OCA2: variants seen among roughly 807,000 people sequenced by gnomAD.
OCA2 encodes the protein P protein.
In OCA2, 77 loss-of-function variants were observed where a neutral mutation model predicts 100.2. The observed-to-expected ratio is 0.77, with a 90% CI of 0.64 to 0.93. OCA2 has a LOEUF of 0.93. OCA2 is among the 40% of genes least tolerant of loss of function. The pLI, the probability that OCA2 is intolerant of heterozygous loss-of-function variation, is 0.00. For missense variants in OCA2, 1,062 were observed against 1,089.1 expected, an observed-to-expected ratio of 0.98 and a Z score of 0.35; for synonymous variants, 432 against 439.2, an observed-to-expected ratio of 0.98 and a Z score of 0.21.
intron 14 of OCA2, among the ~76,000 whole-genome samples, chr15:27,979,481 C>T (rs1214916388): frequency 6.6e-6 from 1 of 152,056 alleles, no homozygotes; most frequent in African/African-American, 2.4e-5. Flanking sequence ...TATATTTGTT[C>T]CACCATTTCT....
intron 23 of OCA2, among the ~76,000 whole-genome samples, chr15:27,774,122 A>G (rs1266467877): frequency 1.3e-5 from 2 of 152,162 alleles, no homozygotes; most frequent in Non-Finnish European, 2.9e-5. Context: ...TATCAAACTG[A>G]AGTCCACCCA....
At chr15:27,732,808 C>T in the OCA2 span, among the ~76,000 whole-genome samples, 1 of 152,126 alleles carries the variant, frequency 6.6e-6, no homozygotes, top group East Asian at 1.9e-4. Flanking sequence ...ACTAAAAGCC[C>T]ATTCATGACT....
the OCA2 span, among the ~76,000 whole-genome samples, chr15:27,749,747 A>G: frequency 2.6e-5 from 4 of 152,222 alleles, no homozygotes; most frequent in Non-Finnish European, 5.9e-5. Flanking sequence ...TCTTCAAAGA[A>G]TATTAAATAC....
chr15:27,875,859 T>C (rs371539215), intron 19 of OCA2, among the ~76,000 whole-genome samples: 2 of 152,042 alleles, frequency 1.3e-5, no homozygotes, highest in African/African-American at 4.8e-5. Context: ...TGGATACTGA[T>C]CTTGTATCTT....
intron 19 of OCA2, among the ~76,000 whole-genome samples, chr15:27,923,004 CCT>C (rs2038922225): frequency 6.6e-6 from 1 of 152,016 alleles, no homozygotes; most frequent in African/African-American, 2.4e-5. Context: ...GTGTTGTTCC[CCT>C]CTTTGTGTCC....
chr15:28,062,584 TA>T (rs1415329497), intron 2 of OCA2, among the ~76,000 whole-genome samples: 2 of 152,246 alleles, frequency 1.3e-5, no homozygotes, highest in African/African-American at 4.8e-5. Context: ...CCAATTTATG[TA>T]CTTTTTTTGT....
chr15:27,793,649 T>G (rs2033189319), intron 23 of OCA2, among the ~76,000 whole-genome samples: 1 of 152,184 alleles, frequency 6.6e-6, no homozygotes, highest in Admixed American at 6.5e-5. Context: ...ACGTGCACAT[T>G]TATTTATTCC....
At chr15:27,999,349 A>C (rs1220977733) in intron 9 of OCA2, among the ~76,000 whole-genome samples, 1 of 152,220 alleles carries the variant, frequency 6.6e-6, no homozygotes, top group Non-Finnish European at 1.5e-5. Context: ...CCTTAACAGA[A>C]TGAAGGATAA....
At position 28,096,945 on chromosome 15, in the gene OCA2, C is replaced by G. The variant is rs1348061338; in HGVS notation, c.-22+2279G>C. On this transcript the variant is annotated intron_variant, in intron 1 of 23. Transcript: ENST00000354638. ...GGGCACGCGGCCGCCCAGCCCCGCT[C>G]CCAGCCCGGGGCCAGGACCCCTCCC... Among the ~76,000 whole-genome samples, 3 of 152,202 alleles carry G rather than the reference C, an allele frequency of 2.0e-5. No individual in the cohort carries two copies. In the South Asian group the frequency reaches 6.2e-4, roughly 32 times the overall value.
At chr15:27,887,950 C>T (rs1379377443) in intron 19 of OCA2, among the ~76,000 whole-genome samples, 4 of 151,830 alleles carry the variant, frequency 2.6e-5, no homozygotes, top group Admixed American at 2.6e-4. Flanking sequence ...GAGGAGGGAC[C>T]CCACTACACC....
At chr15:27,950,490 C>T in intron 18 of OCA2, 1 of 511,680 alleles carries the variant, frequency 2.0e-6, no homozygotes, top group East Asian at 5.5e-5. Context: ...ATCATTACCT[C>T]ATCAGGATTC....
chr15:27,880,012 T>G (rs1162733616), intron 19 of OCA2, among the ~76,000 whole-genome samples: 2 of 152,226 alleles, frequency 1.3e-5, no homozygotes, highest in African/African-American at 4.8e-5. Context: ...TTAATCCATC[T>G]TGAGTTAATT....
intron 23 of OCA2, among the ~76,000 whole-genome samples, chr15:27,767,926 G>A (rs368562441): frequency 1.4e-4 from 21 of 152,304 alleles, no homozygotes; most frequent in African/African-American, 4.1e-4. Context: ...CAGAGGGGTC[G>A]CATGACAATG....
chr15:28,090,045 G>A (rs772991671), intron 1 of OCA2, among the ~76,000 whole-genome samples: 20 of 152,104 alleles, frequency 1.3e-4, no homozygotes, highest in East Asian at 5.8e-4. Context: ...AAGTAGGAGC[G>A]GTTATATTCA....
At chr15:28,081,429 C>T (rs1005721236) in intron 2 of OCA2, among the ~76,000 whole-genome samples, 4 of 152,082 alleles carry the variant, frequency 2.6e-5, no homozygotes, top group Non-Finnish European at 5.9e-5. Flanking sequence ...GCTACAAACT[C>T]TTTTTTCTAT....
At chr15:28,087,575 A>G (rs763911600) in intron 1 of OCA2, among the ~76,000 whole-genome samples, 12 of 151,984 alleles carry the variant, frequency 7.9e-5, no homozygotes, top group Non-Finnish European at 1.3e-4. Flanking sequence ...GCAAAATCCC[A>G]TCTCTATTAA....
chr15:27,854,161 G>A (rs2035866730), intron 21 of OCA2, among the ~76,000 whole-genome samples: 1 of 152,226 alleles, frequency 6.6e-6, no homozygotes, highest in South Asian at 2.1e-4. Context: ...GGGTTGGACA[G>A]AAGATCTTGT....
downstream of OCA2, among the ~76,000 whole-genome samples, chr15:27,752,813 CCCCAGAGG>C (rs2030116947): frequency 5.3e-4 from 59 of 110,434 alleles, no homozygotes; most frequent in Non-Finnish European, 9.2e-4. Context: ...CCCCCCCCCC[CCCCAGAGG>C]CCCACAGCTG....
intron 23 of OCA2, among the ~76,000 whole-genome samples, chr15:27,763,027 A>G (rs1247647162): frequency 6.6e-6 from 1 of 152,230 alleles, no homozygotes; most frequent in Non-Finnish European, 1.5e-5. Flanking sequence ...ACTACACTTT[A>G]GGATGCCCTT....
Sources: gnomAD v4.1 joint callset for allele counts (sites outside exome capture counted in the v4.1 genomes callset) on GRCh38, gnomAD v4.1.1 for gene constraint, MANE v1.5 for transcripts, NCBI Gene and HGNC (gene_info 2026-07-23, HGNC 2026-07-21) for gene names.